The following DLC1 variants were observed in gnomAD, a reference collection of about 807,000 sequenced individuals.
The protein encoded by DLC1 is DLC1 Rho GTPase activating protein, also known as rho GTPase-activating protein 7.
A neutral mutation model predicts 140.3 loss-of-function variants in DLC1; 54 were observed. The ratio of observed to expected loss-of-function variants is 0.38; its 90% CI spans 0.31 to 0.48. The LOEUF is 0.48. Ranked by LOEUF, DLC1 falls within the 20% of genes least tolerant of loss-of-function variation. The pLI is 0.96. For missense variants in DLC1, 2,536 were observed against 1,907.0 expected, an observed-to-expected ratio of 1.33 and a Z score of -6.14; for synonymous variants, 986 against 728.1, an observed-to-expected ratio of 1.35 and a Z score of -5.70.
intron 4 of DLC1, among the ~76,000 whole-genome samples, chr8:13,384,528 A>G (rs1836427981): frequency 6.6e-6 from 1 of 152,198 alleles, no homozygotes; most frequent in Non-Finnish European, 1.5e-5. Context: ...TTAAATGGAA[A>G]TTCTACTAGT....
chr8:13,237,130 A>G (rs1169384310), intron 5 of DLC1, among the ~76,000 whole-genome samples: 1 of 151,196 alleles, frequency 6.6e-6, no homozygotes, highest in Non-Finnish European at 1.5e-5. Context: ...TTTTCTAAGG[A>G]CCAGTAATGC....
intron 4 of DLC1, among the ~76,000 whole-genome samples, chr8:13,306,582 G>T (rs1832442125): frequency 1.3e-5 from 2 of 148,384 alleles, no homozygotes; most frequent in Admixed American, 1.3e-4. Flanking sequence ...GTGTGTGTGT[G>T]TGAGAGAGAG....
At chr8:13,324,049 A>T (rs1172726466) in intron 4 of DLC1, among the ~76,000 whole-genome samples, 1 of 152,192 alleles carries the variant, frequency 6.6e-6, no homozygotes, top group East Asian at 1.9e-4. Flanking sequence ...CAGATCTGTT[A>T]CTTAAGAATA....
intron 4 of DLC1, among the ~76,000 whole-genome samples, chr8:13,322,001 C>G (rs3911339): frequency 6.6e-6 from 1 of 151,788 alleles, no homozygotes; most frequent in Admixed American, 6.6e-5. Context: ...ATTTGGAGAA[C>G]CCTAAATAAT....
intron 1 of DLC1, among the ~76,000 whole-genome samples, chr8:13,506,552 CACACACACACACACAT>C (rs2117230598): frequency 1.1e-5 from 1 of 92,018 alleles, no homozygotes; most frequent in South Asian, 4.5e-4. Context: ...TGGACACACA[CACACACACACACACAT>C]GTGTGTGTGT....
intron 5 of DLC1, among the ~76,000 whole-genome samples, chr8:13,187,518 T>C (rs1826452490): frequency 6.6e-6 from 1 of 152,166 alleles, no homozygotes; most frequent in Admixed American, 6.5e-5. Flanking sequence ...CTGTGATTCT[T>C]TGAGGACGGC....
At chr8:13,388,527 T>C (rs1423989587) in intron 4 of DLC1, among the ~76,000 whole-genome samples, 1 of 152,048 alleles carries the variant, frequency 6.6e-6, no homozygotes, top group Non-Finnish European at 1.5e-5. Context: ...ATTGTATGAC[T>C]ACATAAGAAC....
At chr8:13,540,884 A>G (rs1333706690) in intron 1 of DLC1, among the ~76,000 whole-genome samples, 1 of 152,220 alleles carries the variant, frequency 6.6e-6, no homozygotes, top group African/African-American at 2.4e-5. Flanking sequence ...TCAAGACTCT[A>G]GCAAAATTCG....
intron 5 of DLC1, among the ~76,000 whole-genome samples, chr8:13,282,006 T>C (rs1831381077): frequency 6.6e-6 from 1 of 152,184 alleles, no homozygotes; most frequent in Non-Finnish European, 1.5e-5. Flanking sequence ...GACTAGATCA[T>C]TTATTCTGGT....
chr8:13,173,468 T>A (rs891767035), intron 5 of DLC1, among the ~76,000 whole-genome samples: 4 of 150,744 alleles, frequency 2.7e-5, no homozygotes, highest in African/African-American at 9.7e-5. Flanking sequence ...GCCTCCCGTG[T>A]TGAAGCGATT....
chr8:13,441,506 C>A (rs1194433284), intron 2 of DLC1, among the ~76,000 whole-genome samples: 1 of 152,190 alleles, frequency 6.6e-6, no homozygotes, highest in Non-Finnish European at 1.5e-5. Context: ...GCAACTTCAG[C>A]AAAGTCTCAG....
intron 5 of DLC1, among the ~76,000 whole-genome samples, chr8:13,240,152 A>G (rs746832449): frequency 1.1e-4 from 16 of 152,118 alleles, no homozygotes; most frequent in Non-Finnish European, 2.2e-4. Context: ...CCTCAAGTAG[A>G]TGTCTCTGGA....
At chr8:13,443,404 A>C (rs1211146940) in intron 2 of DLC1, among the ~76,000 whole-genome samples, 4 of 151,526 alleles carry the variant, frequency 2.6e-5, no homozygotes, top group African/African-American at 9.7e-5. Flanking sequence ...TCACGCCTGT[A>C]ATCCCAGCAC....
rs1802924199 is a variant in DLC1, at chr8:13,526,460, A to C, written c.-125-26264T>G. ...GAGCATAATGTATTTTCTTTTATTTAGTTTTCTAGTTTCTCAGGAGTGTTT... is the reference window on the plus strand; with the variant it reads ...GAGCATAATGTATTTTCTTTTATTTCGTTTTCTAGTTTCTCAGGAGTGTTT... On this transcript the variant is annotated intron_variant, in intron 1 of 1. Transcript: ENST00000631382. Among the ~76,000 whole-genome samples the C allele has an allele frequency of 2.6e-5, 4 of 152,210 alleles. No homozygotes were observed. The South Asian group carries it at 8.3e-4, about 32-fold the overall frequency.
At chr8:13,348,663 T>G (rs1235621367) in intron 4 of DLC1, among the ~76,000 whole-genome samples, 2 of 151,924 alleles carry the variant, frequency 1.3e-5, no homozygotes, top group Admixed American at 1.3e-4. Context: ...AGAAGCAGAT[T>G]CACCTATCTT....
chr8:13,480,358 A>G (rs761564508), intron 2 of DLC1, among the ~76,000 whole-genome samples: 55 of 152,216 alleles, frequency 3.6e-4, no homozygotes, highest in African/African-American at 1.3e-3. Context: ...GACATGGGAA[A>G]GATGCATAAC....
chr8:13,094,716 T>TTTTTCCCCAATGCCAA, intron 12 of DLC1, 43 bp downstream of exon 12: 1 of 1,610,298 alleles, frequency 6.2e-7, no homozygotes, highest in Non-Finnish European at 8.5e-7. Context: ...GTTGGTCCCA[T>TTTTTCCCCAATGCCAA]TTTTCCCCAA....
intron 5 of DLC1, among the ~76,000 whole-genome samples, chr8:13,130,671 G>A (rs1822003382): frequency 6.6e-6 from 1 of 152,184 alleles, no homozygotes; most frequent in Non-Finnish European, 1.5e-5. Context: ...AGGAATGAGT[G>A]GTGTTTCTCA....
intron 5 of DLC1, among the ~76,000 whole-genome samples, chr8:13,263,232 G>T (rs1223443247): frequency 1.3e-5 from 2 of 152,066 alleles, no homozygotes; most frequent in Non-Finnish European, 2.9e-5. Flanking sequence ...ATTGTGTTAG[G>T]TATTATTATC....
Sources: gnomAD v4.1 joint callset for allele counts (sites outside exome capture counted in the v4.1 genomes callset) on GRCh38, gnomAD v4.1.1 for gene constraint, MANE v1.5 for transcripts, NCBI Gene and HGNC (gene_info 2026-07-23, HGNC 2026-07-21) for gene names.